AHI1: variants seen among roughly 807,000 people sequenced by gnomAD.
AHI1 encodes jouberin.
In AHI1, 123 loss-of-function variants were observed where a neutral mutation model predicts 149.3. The ratio of observed to expected loss-of-function variants is 0.82; its 90% CI spans 0.71 to 0.96. The LOEUF (loss-of-function observed/expected upper bound fraction) is 0.96, where lower values mean the gene tolerates loss of function less well. Ranked by LOEUF, AHI1 falls within the 40% of genes least tolerant of loss-of-function variation. The pLI, the probability that AHI1 is intolerant of heterozygous loss-of-function variation, is 0.00. For synonymous variants in AHI1, 475 were observed against 459.8 expected (o/e 1.03, Z -0.42); for missense variants, 1,439 against 1,422.7 (o/e 1.01, Z -0.18).
intron 23 of AHI1, among the ~76,000 whole-genome samples, chr6:135,389,481 G>T (rs904580983): frequency 2.6e-5 from 4 of 152,030 alleles, no homozygotes; most frequent in African/African-American, 9.7e-5. Context: ...CAAAACATTC[G>T]ATTAAATGGT....
At chr6:135,434,566 T>C (rs1013364816) in intron 15 of AHI1, among the ~76,000 whole-genome samples, 10 of 151,986 alleles carry the variant, frequency 6.6e-5, no homozygotes, top group African/African-American at 1.4e-4. Flanking sequence ...AACAGCTCAA[T>C]ATAATTAAAA....
chr6:135,494,760 C>A (rs947764278), intron 3 of AHI1, among the ~76,000 whole-genome samples: 1 of 152,040 alleles, frequency 6.6e-6, no homozygotes, highest in African/African-American at 2.4e-5. Flanking sequence ...AAATAAAAAG[C>A]CAATGAGAAT....
intron 25 of AHI1, among the ~76,000 whole-genome samples, chr6:135,319,412 T>C (rs907174864): frequency 6.6e-6 from 1 of 151,994 alleles, no homozygotes; most frequent in Non-Finnish European, 1.5e-5. Context: ...GAGGTGGAGG[T>C]TGCAGTGAGC....
At chr6:135,316,473 C>T (rs1785966688) in intron 26 of AHI1, among the ~76,000 whole-genome samples, 1 of 152,128 alleles carries the variant, frequency 6.6e-6, no homozygotes, top group African/African-American at 2.4e-5. Context: ...CCAGGGTCCT[C>T]TTGATGACCA....
chr6:135,300,412 T>A, intron 27 of AHI1, 88 bp downstream of exon 27: 3 of 1,281,468 alleles, frequency 2.3e-6, no homozygotes, highest in Non-Finnish European at 3.2e-6. Flanking sequence ...AGTTTGATAA[T>A]GTTATAAAAA....
intron 5 of AHI1, among the ~76,000 whole-genome samples, chr6:135,476,355 T>A (rs1792636109): frequency 1.3e-5 from 2 of 151,842 alleles, no homozygotes; most frequent in Admixed American, 1.3e-4. Context: ...AAATTTTTAT[T>A]TAATTTTTAT....
At chr6:135,479,938 A>ACT (rs1476797505) in intron 5 of AHI1, among the ~76,000 whole-genome samples, 2 of 150,956 alleles carry the variant, frequency 1.3e-5, no homozygotes, top group African/African-American at 4.9e-5. Context: ...CCCTTTGCTC[A>ACT]CTCTCTCTCC....
intron 21 of AHI1, among the ~76,000 whole-genome samples, chr6:135,409,270 T>A (rs1039467348): frequency 6.6e-6 from 1 of 152,152 alleles, no homozygotes; most frequent in South Asian, 2.1e-4. Context: ...AATATACACA[T>A]CCTTATATTT....
chr6:135,455,736 C>T lies in AHI1; in HGVS notation c.1342G>A (p.Glu448Lys), dbSNP rs777952691. The change falls in exon 10 of 29, where the codon GAG becomes AAG. Residue 448 changes from glutamate (E) to lysine (K), a missense_variant and splice_region_variant. Glu to Lys is a moderately conservative substitution (Grantham distance 56, BLOSUM62 1). Transcript: ENST00000265602. The stretch of plus-strand genomic sequence containing the variant: ...GAATTGGTCCATTCAATTCATACCT[C>T]AAAGAACAGGATGACTTTAGGACTC... The part of the protein sequence containing the change: ...DESPKVILFF[E>K]ILDFLSVDEI... 4 of 1,580,860 alleles carry T rather than the reference C, an allele frequency of 2.5e-6. No homozygotes were observed. The Admixed American group carries it at 5.2e-5, about 20-fold the overall frequency.
At chr6:135,461,230 A>T (rs562737822) in intron 8 of AHI1, among the ~76,000 whole-genome samples, 2 of 152,234 alleles carry the variant, frequency 1.3e-5, no homozygotes. Flanking sequence ...TTAGAAAAAG[A>T]CAATTCTGTG....
intron 5 of AHI1, among the ~76,000 whole-genome samples, chr6:135,484,040 ATCATGGTG>A (rs1388506429): frequency 6.8e-4 from 104 of 152,086 alleles, no homozygotes; most frequent in African/African-American, 2.3e-3. Context: ...TGGCCTCACA[ATCATGGTG>A]GAAGGCAAGG....
chr6:135,319,461 C>T (rs1308788733), intron 25 of AHI1, among the ~76,000 whole-genome samples: 1 of 151,796 alleles, frequency 6.6e-6, no homozygotes, highest in African/African-American at 2.4e-5. Context: ...GGAGACAGGG[C>T]GAGACTCTGT....
At chr6:135,453,313 A>C (rs1298879013) in intron 11 of AHI1, 28 bp downstream of exon 11, 1 of 1,513,776 alleles carries the variant, frequency 6.6e-7, no homozygotes, top group Admixed American at 2.0e-5. Flanking sequence ...ACTAGTTTTA[A>C]AGTGTTTAAA....
chr6:135,301,293 T>A (rs924310683), intron 26 of AHI1: 5 of 977,202 alleles, frequency 5.1e-6, no homozygotes, highest in Admixed American at 1.2e-4. Context: ...TATAAATTGT[T>A]ACTATGTTTA....
intron 15 of AHI1, among the ~76,000 whole-genome samples, chr6:135,433,954 G>T (rs75082395): frequency 6.6e-6 from 1 of 152,026 alleles, no homozygotes; most frequent in East Asian, 1.9e-4. Flanking sequence ...CTTGACAAAT[G>T]AGTAAACCCT....
intron 13 of AHI1, among the ~76,000 whole-genome samples, chr6:135,444,080 A>G (rs1786764161): frequency 6.6e-6 from 1 of 152,114 alleles, no homozygotes; most frequent in African/African-American, 2.4e-5. Context: ...GATAACAACA[A>G]TAAAGGTCCT....
At chr6:135,364,167 T>C (rs1210006953) in intron 23 of AHI1, among the ~76,000 whole-genome samples, 2 of 150,170 alleles carry the variant, frequency 1.3e-5, no homozygotes, top group East Asian at 4.0e-4. Context: ...GGCTCCTCAC[T>C]TCTCAGACAG....
At chr6:135,377,462 G>GTTATTTATTTATTTAT (rs57058733) in intron 23 of AHI1, among the ~76,000 whole-genome samples, 90 of 148,514 alleles carry the variant, frequency 6.1e-4, no homozygotes, top group African/African-American at 2.0e-3. Flanking sequence ...CTGGCTTTGA[G>GTTATTTATTTATTTAT]TTATTTATTT....
intron 20 of AHI1, among the ~76,000 whole-genome samples, chr6:135,414,964 T>TC (rs1256191330): frequency 2.0e-5 from 1 of 50,990 alleles, no homozygotes; most frequent in African/African-American, 8.2e-5. Flanking sequence ...CCCTCCCCCC[T>TC]CCCCCCACCC....
Sources: allele counts gnomAD v4.1 joint callset (sites outside exome capture counted in the v4.1 genomes callset), GRCh38; gene constraint gnomAD v4.1.1; transcripts MANE v1.5; gene names NCBI Gene and HGNC (gene_info 2026-07-23, HGNC 2026-07-21).